SLC35G6: variants seen among roughly 807,000 people sequenced by gnomAD.
SLC35G6 encodes the protein acyl-malonyl condensing enzyme 1-like 3.
A neutral mutation model predicts 20.3 loss-of-function variants in SLC35G6; 18 were observed. The ratio of observed to expected loss-of-function variants is 0.88; its 90% confidence interval spans 0.61 to 1.31. SLC35G6 has a LOEUF of 1.31. SLC35G6 is among the 40% of genes most tolerant of loss of function. The probability of loss-of-function intolerance (pLI) is 0.00; values close to 1 mark genes in which losing one functional copy is unlikely to be tolerated. For synonymous variants in SLC35G6, 156 were observed against 200.9 expected, an observed-to-expected ratio of 0.78 and a Z score of 1.89; for missense variants, 372 against 433.4, an observed-to-expected ratio of 0.86 and a Z score of 1.26.
At position 7,482,412 on chromosome 17, in the gene SLC35G6, C is replaced by T; in HGVS notation, c.428C>T (p.Ala143Val). The T allele has an allele frequency of 1.2e-6, 2 of 1,614,038 alleles. No homozygotes were observed. Among genetic ancestry groups the T allele is most frequent in the Non-Finnish European group, 8.5e-7 (1 of 1,179,884 alleles). The stretch of plus-strand genomic sequence containing the variant: ...AAAGGTTCTTCCACCGTCTGCTCCG[C>T]CGTCCTCACCCTCTGCCTTGAGAGC... ...VRKGSSTVCS[A>V]VLTLCLESQG... Residue 143 changes from alanine to valine, a missense_variant, in exon 2 of 2, where the codon GCC (alanine) becomes GTC (valine). Ala to Val is a moderately conservative substitution (Grantham distance 64). Coordinates refer to ENST00000412468, the MANE Select transcript of SLC35G6 (RefSeq NM_001102614.2).
rs771608976 is a variant in SLC35G6 at position 7,482,260 on chromosome 17, C to A, written c.276C>A (p.Asp92Glu). 32 of 1,613,926 alleles carry A rather than the reference C, an allele frequency of 2.0e-5. No individual in the cohort carries two copies. In the African/African-American group the frequency reaches 2.9e-4, roughly 15 times the overall value. ...PIALLLKLRGDPLLGPPDIRG... is the reference protein window; with the variant it reads ...PIALLLKLRGEPLLGPPDIRG... ...CCCTGCTACTTAAACTGCGTGGCGA[C>A]CCCCTTCTGGGACCTCCTGACATCC... The change falls in exon 2 of 2, where the codon GAC becomes GAA. Residue 92 changes from aspartate to glutamate, a missense_variant. Coordinates refer to ENST00000412468, the MANE Select transcript of SLC35G6 (RefSeq NM_001102614.2).
Position 7,482,917 on chromosome 17 carries a change from G to A in SLC35G6, c.933G>A (p.Val311=). 1 of 1,612,028 alleles carries A rather than the reference G, an allele frequency of 6.2e-7. No homozygotes were observed. The highest frequency in any genetic ancestry group is 8.5e-7 in the Non-Finnish European group (1 of 1,179,870). ...AGACTGTGGCACCTTCTGACATCGT[G>A]GGGGCAGGGGTTGTGCTGGGCAGCA... ...LHETVAPSDI[V]GAGVVLGSIA... is the part of the protein sequence containing the mutation. Residue 311 remains valine, a synonymous_variant, in exon 2 of 2, where the codon GTG becomes GTA. Transcript: ENST00000412468.
rs2070370577 is a variant in SLC35G6, at chr17:7,483,219, G to A, written c.*218G>A. ...GATGTGGAGACCAGGCTGGGTCCTG[G>A]AATCAGGGCATAACTAAGGGGTAAA... On this transcript the variant is annotated 3_prime_UTR_variant, in exon 2 of 2. Coordinates refer to ENST00000412468, the MANE Select transcript of SLC35G6 (RefSeq NM_001102614.2). 9.0e-6 allele frequency: 8 copies of A among 892,956 alleles called. No homozygotes were observed. The highest frequency in any genetic ancestry group is 1.3e-5 in the Non-Finnish European group (8 of 604,220). The allele number at this position is 892,956 out of a possible 1,614,324, so 55.3% of individuals were successfully genotyped here. A position where few individuals can be genotyped will look rare whatever the true frequency, so the allele number is the denominator to read the frequency against.
rs1220559939 is a variant in SLC35G6, at chr17:7,482,904, C to T, written c.920C>T (p.Pro307Leu). Residue 307 changes from proline (P) to leucine (L), a missense_variant, in exon 2 of 2, where the codon CCT becomes CTT. Physicochemically the swap from Pro to Leu is moderately conservative, Grantham distance 98. Coordinates refer to ENST00000412468, the MANE Select transcript of SLC35G6 (RefSeq NM_001102614.2). ...QYYMLHETVA[P>L]SDIVGAGVVL... ...TATATGCTCCATGAGACTGTGGCAC[C>T]TTCTGACATCGTGGGGGCAGGGGTT... is the stretch of plus-strand genomic sequence containing the variant. 34 of 1,612,042 alleles carry T rather than the reference C, an allele frequency of 2.1e-5. No homozygotes were observed. The highest frequency in any genetic ancestry group is 2.5e-5 in the Non-Finnish European group (30 of 1,179,872).
At position 7,481,479 on chromosome 17, in the gene SLC35G6, T is replaced by C. The variant is rs1304789732; in HGVS notation, c.-38T>C. The stretch of plus-strand genomic sequence containing the variant: ...GGCTGGAGCTCTGAGGGGCCCAGGC[T>C]CCCTGAGCCAGGAGGAGAGGAGAAA... On this transcript the variant is annotated 5_prime_UTR_variant, in exon 1 of 2. Coordinates refer to ENST00000412468, the MANE Select transcript of SLC35G6 (RefSeq NM_001102614.2). 2.0e-6 allele frequency: 3 copies of C among 1,508,046 alleles called. No individual in the cohort carries two copies. The highest frequency in any genetic ancestry group is 2.2e-5 in the Admixed American group (1 of 44,930). 93.4% of individuals were successfully genotyped at this position (1,508,046 alleles called of 1,614,324 possible).
chr17:7,482,988 A>G lies in SLC35G6; in HGVS notation c.1004A>G (p.Lys335Arg). ...AACCTCAGCTGTGAGAGGGAAGGGA[A>G]GGTGGAGGAGTGAGATAGAACTTGG... The part of the protein sequence containing the change: ...AWNLSCEREG[K>R]VEE Residue 335 changes from lysine to arginine, a missense_variant, in exon 2 of 2, where the codon AAG (lysine) becomes AGG (arginine). Transcript: ENST00000412468. 9.3e-6 allele frequency: 15 copies of G among 1,611,962 alleles called. No individual in the cohort carries two copies. The highest frequency in any genetic ancestry group is 1.3e-5 in the Non-Finnish European group (15 of 1,179,816).
chr17:7,481,930 G>A (rs956672323), intron 1 of SLC35G6, 58 bp from the exon 2 acceptor site: 23 of 1,542,286 alleles, frequency 1.5e-5, no homozygotes, highest in Non-Finnish European at 1.9e-5. Context: ...CATCTGCCCT[G>A]CCCCAGGTCG....
chr17:7,482,802 C>T lies in SLC35G6; in HGVS notation c.818C>T (p.Ala273Val), dbSNP rs370565525. 8.9e-5 allele frequency: 144 copies of T among 1,611,896 alleles called. No individual in the cohort carries two copies. Among genetic ancestry groups the T allele is most frequent in the East Asian group, 3.3e-4 (15 of 44,888 alleles). ...ALVSFTCVSY[A>V]VTKAHPALVC... Reference sequence around the variant, plus strand: ...GTCTCCTTCACATGTGTGAGCTATGCGGTCACCAAGGCCCACCCTGCCCTG... The same window carrying T: ...GTCTCCTTCACATGTGTGAGCTATGTGGTCACCAAGGCCCACCCTGCCCTG... Residue 273 changes from alanine to valine, a missense_variant, in exon 2 of 2, where the codon GCG (alanine) becomes GTG (valine). Coordinates refer to ENST00000412468, the MANE Select transcript of SLC35G6 (RefSeq NM_001102614.2).
At position 7,481,615 on chromosome 17, in the gene SLC35G6, C is replaced by A. The variant is rs572164345; in HGVS notation, c.3+96C>A. ...CTAAAACTTAGCTGTCTCAGAGATA[C>A]CCACAAATAGAATTCATAATGGTGT... On this transcript the variant is annotated intron_variant, in intron 1 of 1. Transcript: ENST00000412468. The A allele has an allele frequency of 8.1e-5, 70 of 864,742 alleles. 1 individual carries two copies. The highest frequency in any genetic ancestry group is 3.1e-4 in the Admixed American group (9 of 28,614). The allele number at this position is 864,742 out of a possible 1,614,324, so 53.6% of individuals were successfully genotyped here. A position where few individuals can be genotyped will look rare whatever the true frequency, so the allele number is the denominator to read the frequency against.
rs1424219869 is a variant in SLC35G6 at position 7,483,031 on chromosome 17, G to T, written c.*30G>T. The T allele has an allele frequency of 6.2e-7, 1 of 1,611,792 alleles. No individual in the cohort carries two copies. The highest frequency in any genetic ancestry group is 8.5e-7 in the Non-Finnish European group (1 of 1,179,832). ...GAACTTGGGAGCCCGGGGGTTGGGA[G>T]GGACAGGGATAAATAGAGGCAAAGA... is the stretch of plus-strand genomic sequence containing the variant. On this transcript the variant is annotated 3_prime_UTR_variant, in exon 2 of 2. Coordinates refer to ENST00000412468, the MANE Select transcript of SLC35G6 (RefSeq NM_001102614.2).
Position 7,482,800 on chromosome 17 carries a change from T to A in SLC35G6, c.816T>A (p.Tyr272Ter). 6.2e-7 allele frequency: 1 copy of A among 1,612,034 alleles called. No individual in the cohort carries two copies. The highest frequency in any genetic ancestry group is 8.5e-7 in the Non-Finnish European group (1 of 1,179,858). Residue 272 changes from tyrosine (Y) to a stop codon, truncating the protein, a stop_gained, in exon 2 of 2, where the codon TAT (tyrosine) becomes TAA (stop). Coordinates refer to ENST00000412468, the MANE Select transcript of SLC35G6 (RefSeq NM_001102614.2). LOFTEE classifies it high-confidence loss of function. ...LALVSFTCVS[Y>*]AVTKAHPALV... ...TGGTCTCCTTCACATGTGTGAGCTA[T>A]GCGGTCACCAAGGCCCACCCTGCCC...
chr17:7,482,274 C>G lies in SLC35G6; in HGVS notation c.290C>G (p.Pro97Arg). 1 of 1,614,066 alleles carries G rather than the reference C, an allele frequency of 6.2e-7. No individual in the cohort carries two copies. The highest frequency in any genetic ancestry group is 1.1e-5 in the South Asian group (1 of 91,082). ...LKLRGDPLLG[P>R]PDIRGRAYFY... ...CTGCGTGGCGACCCCCTTCTGGGAC[C>G]TCCTGACATCCGAGGCCGGGCCTAC... The change falls in exon 2 of 2, where the codon CCT becomes CGT. Residue 97 changes from proline to arginine, a missense_variant. Coordinates refer to ENST00000412468, the MANE Select transcript of SLC35G6 (RefSeq NM_001102614.2).
rs541352076 is a variant in SLC35G6 at position 7,482,772 on chromosome 17, C to T, written c.788C>T (p.Ala263Val). 6.2e-7 allele frequency: 1 copy of T among 1,611,498 alleles called. No individual in the cohort carries two copies. Among genetic ancestry groups the T allele is most frequent in the Non-Finnish European group, 8.5e-7 (1 of 1,179,770 alleles). ...TGTGTGGGGGCAGTGGGGATCCTCGCCTTGGTCTCCTTCACATGTGTGAGC... is the reference window on the plus strand; with the variant it reads ...TGTGTGGGGGCAGTGGGGATCCTCGTCTTGGTCTCCTTCACATGTGTGAGC... ...WSCVGAVGIL[A>V]LVSFTCVSYA... Residue 263 changes from alanine (A) to valine (V), a missense_variant, in exon 2 of 2, where the codon GCC becomes GTC. Ala to Val is a moderately conservative substitution (Grantham distance 64, BLOSUM62 0). Coordinates refer to ENST00000412468, the MANE Select transcript of SLC35G6 (RefSeq NM_001102614.2).
chr17:7,482,248 A>T lies in SLC35G6; in HGVS notation c.264A>T (p.Lys88Asn). ...ACCTCCCTATTGCCCTGCTACTTAA[A>T]CTGCGTGGCGACCCCCTTCTGGGAC... ...LFHLPIALLLKLRGDPLLGPP... is the reference protein window; with the variant it reads ...LFHLPIALLLNLRGDPLLGPP... Residue 88 changes from lysine (K) to asparagine (N), a missense_variant, in exon 2 of 2, where the codon AAA becomes AAT. Coordinates refer to ENST00000412468, the MANE Select transcript of SLC35G6 (RefSeq NM_001102614.2). 1 of 1,613,784 alleles carries T rather than the reference A, an allele frequency of 6.2e-7. No individual in the cohort carries two copies. The highest frequency in any genetic ancestry group is 8.5e-7 in the Non-Finnish European group (1 of 1,179,822).
intron 1 of SLC35G6, 77 bp downstream of exon 1, chr17:7,481,596 C>A: frequency 9.2e-7 from 1 of 1,083,688 alleles, no homozygotes; most frequent in Non-Finnish European, 1.3e-6. Flanking sequence ...TTTCCTAAAA[C>A]TTAGCTGTCT....
intron 1 of SLC35G6, 86 bp from the exon 2 acceptor site, chr17:7,481,902 T>C: frequency 1.3e-6 from 2 of 1,511,124 alleles, no homozygotes; most frequent in South Asian, 2.6e-5. Flanking sequence ...TCCCACAGGG[T>C]CCCAGACCCC....
At position 7,482,813 on chromosome 17, in the gene SLC35G6, G is replaced by A. The variant is rs143374042; in HGVS notation, c.829G>A (p.Ala277Thr). 1.2e-3 allele frequency: 1,889 copies of A among 1,612,034 alleles called. 8 individuals carry two copies. The African/African-American group carries it at 0.019, about 16-fold the overall frequency. The change falls in exon 2 of 2, where the codon GCC becomes ACC. Residue 277 changes from alanine (A) to threonine (T), a missense_variant. Physicochemically the swap from Ala to Thr is moderately conservative, Grantham distance 58. Coordinates refer to ENST00000412468, the MANE Select transcript of SLC35G6 (RefSeq NM_001102614.2). Reference protein sequence around the residue: ...FTCVSYAVTKAHPALVCAVLH... With the variant: ...FTCVSYAVTKTHPALVCAVLH... Reference sequence around the variant, plus strand: ...ATGTGTGAGCTATGCGGTCACCAAGGCCCACCCTGCCCTGGTGTGCGCTGT... The same window carrying A: ...ATGTGTGAGCTATGCGGTCACCAAGACCCACCCTGCCCTGGTGTGCGCTGT...
Position 7,482,243 on chromosome 17 carries a change from C to G in SLC35G6, c.259C>G (p.Leu87Val). The G allele has an allele frequency of 1.2e-6, 2 of 1,614,030 alleles. No individual in the cohort carries two copies. The highest frequency in any genetic ancestry group is 1.7e-6 in the Non-Finnish European group (2 of 1,179,872). The change falls in exon 2 of 2, where the codon CTT (leucine) becomes GTT (valine). Residue 87 changes from leucine (L) to valine (V), a missense_variant. Physicochemically the swap from Leu to Val is conservative, Grantham distance 32 (BLOSUM62 1). Coordinates refer to ENST00000412468, the MANE Select transcript of SLC35G6 (RefSeq NM_001102614.2). The part of the protein sequence containing the change: ...CLFHLPIALL[L>V]KLRGDPLLGP... ...CTTCCACCTCCCTATTGCCCTGCTACTTAAACTGCGTGGCGACCCCCTTCT... is the reference window on the plus strand; with the variant it reads ...CTTCCACCTCCCTATTGCCCTGCTAGTTAAACTGCGTGGCGACCCCCTTCT...
Position 7,482,842 on chromosome 17 carries a change from G to A in SLC35G6, c.858G>A (p.Leu286=). 6.2e-7 allele frequency: 1 copy of A among 1,612,078 alleles called. No individual in the cohort carries two copies. Among genetic ancestry groups the A allele is most frequent in the Non-Finnish European group, 8.5e-7 (1 of 1,179,874 alleles). ...KAHPALVCAV[L]HSEVVVALIL... Reference sequence around the variant, plus strand: ...ACCCTGCCCTGGTGTGCGCTGTCCTGCATTCCGAGGTGGTGGTGGCCCTTA... The same window carrying A: ...ACCCTGCCCTGGTGTGCGCTGTCCTACATTCCGAGGTGGTGGTGGCCCTTA... Residue 286 remains leucine, a synonymous_variant, in exon 2 of 2, where the codon CTG becomes CTA. Transcript: ENST00000412468.
Sources: gnomAD v4.1 joint callset for allele counts on GRCh38, gnomAD v4.1.1 for gene constraint, MANE v1.5 for transcripts, NCBI Gene and HGNC (gene_info 2026-07-23, HGNC 2026-07-21) for gene names.